The following GANC variants were observed in gnomAD, a reference collection of about 807,000 sequenced individuals.
GANC encodes the protein neutral alpha-glucosidase C.
Under a neutral mutation model 124.2 loss-of-function variants are expected in GANC, and 117 were observed. The observed-to-expected ratio is 0.94, with a 90% CI of 0.81 to 1.10. The LOEUF (loss-of-function observed/expected upper bound fraction) is 1.10. GANC is among the 50% of genes least tolerant of loss of function. The probability of loss-of-function intolerance (pLI) is 0.00; values close to 1 mark genes in which losing one functional copy is unlikely to be tolerated. For missense variants in GANC, 1,140 were observed against 1,095.0 expected (o/e 1.04, Z -0.58); for synonymous variants, 377 against 376.8 (o/e 1.00, Z -0.01).
chr15:42,312,643 A>G (rs2052062458), intron 10 of GANC, among the ~76,000 whole-genome samples: 1 of 152,238 alleles, frequency 6.6e-6, no homozygotes, highest in African/African-American at 2.4e-5. Flanking sequence ...ATGGCAATCA[A>G]AAGAACATGC....
intron 4 of GANC, 32 bp downstream of exon 4, chr15:42,287,850 C>T (rs769346416): frequency 7.3e-5 from 116 of 1,585,780 alleles, no homozygotes; most frequent in Non-Finnish European, 8.6e-5. Flanking sequence ...TTTAGAGACA[C>T]GCTTGATATA....
intron 6 of GANC, among the ~76,000 whole-genome samples, chr15:42,298,341 G>A (rs1359957211): frequency 1.3e-5 from 2 of 152,172 alleles, no homozygotes; most frequent in African/African-American, 2.4e-5. Flanking sequence ...GGGCAGTGCT[G>A]TGGAAAGATT....
At chr15:42,348,256 T>C (rs761947234) in intron 21 of GANC, 40 bp downstream of exon 21, 1 of 1,278,812 alleles carries the variant, frequency 7.8e-7, no homozygotes, top group African/African-American at 1.5e-5. Context: ...TTCTACTCTT[T>C]CTTTACAGTG....
chr15:42,312,284 C>G (rs186297040), intron 10 of GANC, among the ~76,000 whole-genome samples: 1 of 152,220 alleles, frequency 6.6e-6, no homozygotes, highest in Admixed American at 6.5e-5. Context: ...CCACCCAAAT[C>G]TCATCATGAA....
chr15:42,335,646 G>C (rs965608002), intron 15 of GANC, among the ~76,000 whole-genome samples: 1 of 152,138 alleles, frequency 6.6e-6, no homozygotes, highest in Non-Finnish European at 1.5e-5. Context: ...AAGAAATAAA[G>C]TGCATCCAGA....
intron 11 of GANC, among the ~76,000 whole-genome samples, chr15:42,323,440 G>A (rs1027710201): frequency 6.6e-6 from 1 of 152,154 alleles, no homozygotes; most frequent in Non-Finnish European, 1.5e-5. Flanking sequence ...AGAGAAGATT[G>A]TATCCTCAAG....
intron 3 of GANC, among the ~76,000 whole-genome samples, chr15:42,282,575 A>G (rs1361679377): frequency 1.3e-5 from 2 of 152,204 alleles, no homozygotes; most frequent in Admixed American, 6.5e-5. Context: ...AGATTCTGAC[A>G]AATCCAACAC....
chr15:42,330,503 G>T, intron 14 of GANC, 73 bp from the exon 15 acceptor site: 8 of 1,024,454 alleles, frequency 7.8e-6, no homozygotes. Context: ...CTTTTTGTAT[G>T]TTAGATAGCT....
Position 42,352,604 on chromosome 15 carries a change from C to G in GANC, c.*465C>G. The G allele has an allele frequency of 9.9e-7, 1 of 1,006,990 alleles. No individual in the cohort carries two copies. The highest frequency in any genetic ancestry group is 4.2e-5 in the South Asian group (1 of 23,650). The allele number at this position is 1,006,990 out of a possible 1,614,324, so 62.4% of individuals were successfully genotyped here. ...GGTACTCCCCCCAGTTATCTTCCAC[C>G]CACATGGACTGGGCAGAGCAGCCCT... On this transcript the variant is annotated 3_prime_UTR_variant, in exon 24 of 24. Transcript: ENST00000318010.
chr15:42,332,487 G>C (rs929400532), intron 15 of GANC, among the ~76,000 whole-genome samples: 4 of 152,136 alleles, frequency 2.6e-5, no homozygotes, highest in Admixed American at 1.3e-4. Flanking sequence ...TGTGTAGCAA[G>C]ACATTACAGG....
chr15:42,275,258 C>T (rs1170049099), intron 1 of GANC, among the ~76,000 whole-genome samples: 1 of 152,078 alleles, frequency 6.6e-6, no homozygotes, highest in Non-Finnish European at 1.5e-5. Flanking sequence ...CCTGTAGTCC[C>T]AGCTACTCAG....
chr15:42,282,232 A>G (rs370557965), intron 3 of GANC, among the ~76,000 whole-genome samples: 2 of 152,078 alleles, frequency 1.3e-5, no homozygotes, highest in South Asian at 2.1e-4. Flanking sequence ...GAGGCAGGAG[A>G]ATTGCTTGAA....
rs759481720 is a variant in GANC, at chr15:42,329,383, G to A, written c.1578G>A (p.Gln526=). 1.2e-5 allele frequency: 20 copies of A among 1,613,888 alleles called. No individual in the cohort carries two copies. ...TTAGAGGGCCAGAGCAAACCATGCAGAAGAATGCCATTCATCATGGCAATT... is the reference window on the plus strand; with the variant it reads ...TTAGAGGGCCAGAGCAAACCATGCAAAAGAATGCCATTCATCATGGCAATT... ...SVFRGPEQTM[Q]KNAIHHGNWE... Residue 526 remains glutamine, a synonymous_variant, in exon 14 of 24, where the codon CAG becomes CAA. Coordinates refer to ENST00000318010, the MANE Select transcript of GANC (RefSeq NM_198141.3).
intron 10 of GANC, among the ~76,000 whole-genome samples, chr15:42,315,982 C>T (rs1178503592): frequency 2.0e-5 from 3 of 152,050 alleles, no homozygotes; most frequent in African/African-American, 7.2e-5. Context: ...GTATCTCTCT[C>T]TGTGTATGTA....
chr15:42,306,630 A>G lies in GANC; in HGVS notation c.625+18A>G, dbSNP rs1018128696. The G allele has an allele frequency of 1.5e-5, 23 of 1,538,014 alleles. No individual in the cohort carries two copies. Among genetic ancestry groups the G allele is most frequent in the Middle Eastern group, 3.4e-4 (2 of 5,844 alleles). ...AGCTAATGGTAAAATTGAAACTGGT[A>G]TAGTATTAAAACAGATCATTCTAAA... is the stretch of plus-strand genomic sequence containing the variant. On this transcript the variant is annotated intron_variant, in intron 7 of 23. Coordinates refer to ENST00000318010, the MANE Select transcript of GANC (RefSeq NM_198141.3).
chr15:42,294,175 G>A (rs190797659), intron 5 of GANC, among the ~76,000 whole-genome samples: 4 of 151,490 alleles, frequency 2.6e-5, no homozygotes, highest in East Asian at 3.9e-4. Flanking sequence ...TGTAGAAGAG[G>A]CACATGGTAC....
At chr15:42,293,994 T>C (rs1311573578) in intron 5 of GANC, among the ~76,000 whole-genome samples, 14 of 151,438 alleles carry the variant, frequency 9.2e-5, no homozygotes, top group Admixed American at 8.5e-4. Context: ...AAGACTGCAG[T>C]GAGCTGCGAC....
intron 10 of GANC, among the ~76,000 whole-genome samples, chr15:42,315,979 T>C (rs2052097597): frequency 6.6e-6 from 1 of 152,080 alleles, no homozygotes; most frequent in Admixed American, 6.6e-5. Flanking sequence ...TTTGTATCTC[T>C]CTCTGTGTAT....
chr15:42,273,613 T>A lies in GANC; in HGVS notation c.-869T>A. 1.4e-6 allele frequency: 1 copy of A among 734,340 alleles called. No individual in the cohort carries two copies. The highest frequency in any genetic ancestry group is 1.9e-5 in the South Asian group (1 of 53,780). 45.5% of individuals were successfully genotyped at this position (734,340 alleles called of 1,614,324 possible). ...CAGGCGTCATCCTGTTGGAACCTGG[T>A]CAGCTGGGTTAGAGAGATCGCTACA... On this transcript the variant is annotated 5_prime_UTR_variant, in exon 1 of 24. Transcript: ENST00000318010.
Sources: gnomAD v4.1 joint callset for allele counts (sites outside exome capture counted in the v4.1 genomes callset) on GRCh38, gnomAD v4.1.1 for gene constraint, MANE v1.5 for transcripts, NCBI Gene and HGNC (gene_info 2026-07-23, HGNC 2026-07-21) for gene names.